The following TBL1X variants were observed in gnomAD, a reference collection of about 807,000 sequenced individuals.
TBL1X encodes the protein transducin beta like 1 X-linked, also known as F-box-like/WD repeat-containing protein TBL1X.
Under a neutral mutation model 50.7 loss-of-function variants are expected in TBL1X, and 10 were observed. The observed-to-expected ratio is 0.20, with a 90% CI of 0.12 to 0.33. The LOEUF (loss-of-function observed/expected upper bound fraction) is 0.33, where lower values mean the gene tolerates loss of function less well. TBL1X is among the 10% of genes least tolerant of loss of function. The probability of loss-of-function intolerance (pLI) is 1.00; values close to 1 mark genes in which losing one functional copy is unlikely to be tolerated. For synonymous variants in TBL1X, 190 were observed against 214.7 expected (o/e 0.88, Z 1.01); for missense variants, 340 against 504.4 (o/e 0.67, Z 3.12).
At chrX:9,696,883 A>G (rs1195329581) in intron 11 of TBL1X, among the ~76,000 whole-genome samples, 2 of 112,404 alleles carry the variant, frequency 1.8e-5, no homozygotes, top group Non-Finnish European at 3.8e-5. Flanking sequence ...AATGCTGAGC[A>G]TGTGGGAGTT....
chrX:9,504,825 C>G (rs2082018286), intron 2 of TBL1X, among the ~76,000 whole-genome samples: 1 of 111,496 alleles, frequency 9.0e-6, no homozygotes, highest in African/African-American at 3.3e-5. Context: ...AAAGACTGAA[C>G]CTACGATTGA....
At position 9,511,556 on chromosome X, in the gene TBL1X, C is replaced by T. The variant is rs139265907; in HGVS notation, c.-131+9707C>T. Reference sequence around the variant, plus strand: ...CAAATAGGAGATTTTAAAAATTCTACCCCTGGAGGATGGGTTGGCATTTGT... The same window carrying T: ...CAAATAGGAGATTTTAAAAATTCTATCCCTGGAGGATGGGTTGGCATTTGT... On this transcript the variant is annotated intron_variant, in intron 2 of 17. Transcript: ENST00000645353. Among the ~76,000 whole-genome samples, 601 of 112,469 alleles carry T rather than the reference C, an allele frequency of 5.3e-3. 2 individuals carry two copies. The highest frequency in any genetic ancestry group is 0.019 in the African/African-American group (578 of 30,963).
intron 2 of TBL1X, among the ~76,000 whole-genome samples, chrX:9,545,228 C>T (rs1272439160): frequency 9.1e-6 from 1 of 109,829 alleles, no homozygotes; most frequent in African/African-American, 3.3e-5. Context: ...GCTGGTCCCC[C>T]CATTTTTATG....
intron 2 of TBL1X, among the ~76,000 whole-genome samples, chrX:9,542,967 C>T (rs1389339730): frequency 8.9e-6 from 1 of 111,745 alleles, no homozygotes; most frequent in Non-Finnish European, 1.9e-5. Flanking sequence ...TGCCACGTGT[C>T]ACCATACTGA....
At chrX:9,668,456 A>G (rs2082943350) in intron 5 of TBL1X, among the ~76,000 whole-genome samples, 1 of 112,191 alleles carries the variant, frequency 8.9e-6, no homozygotes, top group East Asian at 2.8e-4. Flanking sequence ...CAGAATCAAG[A>G]AAATGTTTTC....
At position 9,592,094 on chromosome X, in the gene TBL1X, C is replaced by T. The variant is rs544645090; in HGVS notation, c.-130-48179C>T. On this transcript the variant is annotated intron_variant, in intron 2 of 17. Transcript: ENST00000645353. ...TCGTATCTGTTGATGTCATTTTTTTCCCCATTGCTGACTCCTGTTCCTGTC... is the reference window on the plus strand; with the variant it reads ...TCGTATCTGTTGATGTCATTTTTTTTCCCATTGCTGACTCCTGTTCCTGTC... 2.7e-5 allele frequency among the ~76,000 whole-genome samples: 3 copies of T among 111,910 alleles called. No homozygotes were observed. In the South Asian group the frequency reaches 1.1e-3, roughly 42 times the overall value.
intron 5 of TBL1X, 180 bp from the exon 6 acceptor site, chrX:9,683,863 C>G: frequency 1.7e-6 from 1 of 593,895 alleles, no homozygotes. Flanking sequence ...TCCCTCTCTC[C>G]CTGCCCTTTC....
chrX:9,578,873 C>G (rs1255632203), intron 2 of TBL1X, among the ~76,000 whole-genome samples: 1 of 111,961 alleles, frequency 8.9e-6, no homozygotes, highest in Non-Finnish European at 1.9e-5. Context: ...AGAGGTAGGA[C>G]AGATGTGTCA....
intron 1 of TBL1X, among the ~76,000 whole-genome samples, chrX:9,475,525 C>T (rs1378290530): frequency 4.6e-5 from 5 of 109,678 alleles, no homozygotes; most frequent in African/African-American, 1.3e-4. Context: ...GAATTACAGG[C>T]GTGAACCACC....
At chrX:9,714,027 C>G (rs187547227) in intron 16 of TBL1X, among the ~76,000 whole-genome samples, 14 of 110,818 alleles carry the variant, frequency 1.3e-4, no homozygotes, top group African/African-American at 4.6e-4. Context: ...GTTGCCCAGG[C>G]TAGTCTTGAA....
chrX:9,526,376 G>A (rs2082132742), intron 2 of TBL1X, among the ~76,000 whole-genome samples: 1 of 111,683 alleles, frequency 9.0e-6, no homozygotes, highest in Admixed American at 9.5e-5. Context: ...TGTGTTTTTG[G>A]CATTCTGCTC....
chrX:9,571,933 T>G (rs1437805341), intron 2 of TBL1X, among the ~76,000 whole-genome samples: 1 of 112,651 alleles, frequency 8.9e-6, no homozygotes, highest in African/African-American at 3.2e-5. Context: ...TTTTTAAAGC[T>G]GAATAATATT....
At chrX:9,650,503 A>C (rs1383026275) in intron 3 of TBL1X, among the ~76,000 whole-genome samples, 3 of 111,828 alleles carry the variant, frequency 2.7e-5, no homozygotes, top group African/African-American at 9.8e-5. Context: ...GATGCCCTCC[A>C]AGATTGGTCC....
intron 11 of TBL1X, among the ~76,000 whole-genome samples, chrX:9,695,747 C>G (rs1296449081): frequency 8.9e-6 from 1 of 112,025 alleles, no homozygotes; most frequent in African/African-American, 3.2e-5. Flanking sequence ...AACTCAGACC[C>G]TGGTCACCAG....
intron 5 of TBL1X, among the ~76,000 whole-genome samples, chrX:9,681,170 G>A (rs2083023318): frequency 1.8e-5 from 2 of 112,163 alleles, no homozygotes; most frequent in East Asian, 5.6e-4. Flanking sequence ...TTTGCACACC[G>A]TTCTTTGTGA....
At chrX:9,570,585 TG>T (rs2082379877) in intron 2 of TBL1X, among the ~76,000 whole-genome samples, 1 of 111,688 alleles carries the variant, frequency 9.0e-6, no homozygotes, top group Non-Finnish European at 1.9e-5. Context: ...TCACTCCCTC[TG>T]GCTCTGGCTC....
At chrX:9,705,746 AAAG>A (rs2083203683) in intron 13 of TBL1X, among the ~76,000 whole-genome samples, 2 of 110,113 alleles carry the variant, frequency 1.8e-5, no homozygotes, top group Admixed American at 1.9e-4. Context: ...AAAAAAAAGA[AAAG>A]AAATTGAGAA....
At chrX:9,616,216 A>T (rs2082638743) in intron 2 of TBL1X, among the ~76,000 whole-genome samples, 1 of 111,968 alleles carries the variant, frequency 8.9e-6, no homozygotes, top group Admixed American at 9.5e-5. Context: ...ACCAGAAAAG[A>T]ATACAGTAAA....
At chrX:9,685,478 T>G (rs1469410163) in intron 6 of TBL1X, among the ~76,000 whole-genome samples, 3 of 110,063 alleles carry the variant, frequency 2.7e-5, no homozygotes, top group Non-Finnish European at 5.7e-5. Context: ...GCTTCCTCCC[T>G]CTGCTTCTCT....
Sources: gnomAD v4.1 joint callset for allele counts (sites outside exome capture counted in the v4.1 genomes callset) on GRCh38, gnomAD v4.1.1 for gene constraint, MANE v1.5 for transcripts, NCBI Gene and HGNC (gene_info 2026-07-23, HGNC 2026-07-21) for gene names.